USH1C: variants seen among roughly 807,000 people sequenced by gnomAD.
USH1C encodes the protein USH1 protein network component harmonin, also known as harmonin.
In USH1C, 90 loss-of-function variants were observed where a neutral mutation model predicts 119.3. The ratio of observed to expected loss-of-function variants is 0.75; its 90% CI spans 0.64 to 0.90. The LOEUF is 0.90. Among genes scored for constraint, USH1C ranks in the 40% least tolerant of loss-of-function variants. USH1C has a pLI of 0.00. For missense variants in USH1C, 1,165 were observed against 1,167.7 expected (o/e 1.00, Z 0.03); for synonymous variants, 465 against 443.3 (o/e 1.05, Z -0.62).
intron 18 of USH1C, among the ~76,000 whole-genome samples, chr11:17,506,257 A>G (rs954865207): frequency 2.0e-5 from 3 of 152,180 alleles, no homozygotes; most frequent in Non-Finnish European, 4.4e-5. Flanking sequence ...CCCTTCTCTC[A>G]GTGGCCATGG....
chr11:17,496,472 A>T (rs1044312158), intron 25 of USH1C, among the ~76,000 whole-genome samples: 1 of 152,200 alleles, frequency 6.6e-6, no homozygotes, highest in South Asian at 2.1e-4. Flanking sequence ...AACAATCCTG[A>T]GTCTTTTTCC....
At chr11:17,510,672 T>C (rs1160388719) in intron 16 of USH1C, 151 bp from the exon 17 acceptor site, 15 of 700,814 alleles carry the variant, frequency 2.1e-5, no homozygotes, top group Non-Finnish European at 3.6e-5. Context: ...TTGTTCCAAC[T>C]GGCCCTCAAG....
intron 15 of USH1C, among the ~76,000 whole-genome samples, chr11:17,513,179 T>C (rs1258318808): frequency 6.6e-6 from 1 of 152,112 alleles, no homozygotes; most frequent in Admixed American, 6.5e-5. Flanking sequence ...GGTGCCCTGA[T>C]GAGCTGGGGG....
rs781240730 is a variant in USH1C, at chr11:17,501,136, G to C, written c.2295C>G (p.Asp765Glu). 1.5e-5 allele frequency: 25 copies of C among 1,613,920 alleles called. 1 individual carries two copies. In the Admixed American group the frequency reaches 3.3e-4, roughly 22 times the overall value. ...LLRIKKEGSL[D>E]LALEGGVDSP... ...AGTCCACACCGCCTTCCAGGGCCAG[G>C]TCTAAGGATCCCTCCTGGTTAGAGG... Residue 765 changes from aspartate (D) to glutamate (E), a missense_variant, in exon 23 of 27, where the codon GAC becomes GAG. By Grantham distance (45) the Asp-to-Glu change is conservative (BLOSUM62 2). Coordinates refer to ENST00000005226, the MANE Select transcript of USH1C (RefSeq NM_153676.4).
In USH1C at chr11:17,495,727, C is replaced by G. The variant is rs781251654; in HGVS notation, c.2547-50G>C. The G allele has an allele frequency of 8.2e-6, 13 of 1,589,492 alleles. No individual in the cohort carries two copies. The Admixed American group carries it at 2.2e-4, about 27-fold the overall frequency. ...AACACAAAACAGGCTTGGTTACTCC[C>G]AGGCAGAGCTCCATGGGGCTTCTCC... On this transcript the variant is annotated intron_variant, in intron 25 of 26. Coordinates refer to ENST00000005226, the MANE Select transcript of USH1C (RefSeq NM_153676.4).
In USH1C at chr11:17,505,814, G is replaced by A; in HGVS notation, c.2133+16C>T. The A allele has an allele frequency of 1.2e-6, 2 of 1,613,928 alleles. No individual in the cohort carries two copies. Among genetic ancestry groups the A allele is most frequent in the African/African-American group, 2.7e-5 (2 of 75,044 alleles). The stretch of plus-strand genomic sequence containing the variant: ...GCTCCTCTAGAGACAACCTGGAGGG[G>A]ACCCAAGGGGCTTACCAGAACTTCA... On this transcript the variant is annotated intron_variant, in intron 19 of 26. Transcript: ENST00000005226.
intron 4 of USH1C, 25 bp from the exon 5 acceptor site, chr11:17,527,356 G>A (rs757146245): frequency 6.4e-7 from 1 of 1,568,440 alleles, no homozygotes; most frequent in East Asian, 2.2e-5. Context: ...GAGGCAGGGA[G>A]CACCAGGTGG....
chr11:17,521,038 A>G, intron 13 of USH1C, 44 bp from the exon 14 acceptor site: 1 of 1,612,698 alleles, frequency 6.2e-7, no homozygotes, highest in Non-Finnish European at 8.5e-7. Flanking sequence ...CAGAACCCCC[A>G]TAGGCCCATC....
intron 5 of USH1C, 84 bp from the exon 6 acceptor site, chr11:17,527,124 G>T (rs1361507972): frequency 8.3e-6 from 5 of 604,352 alleles, no homozygotes; most frequent in African/African-American, 6.8e-5. Flanking sequence ...CTGCTCCCCC[G>T]CCCTCCCTCC....
chr11:17,500,579 C>T (rs937682542), intron 23 of USH1C, among the ~76,000 whole-genome samples: 1 of 152,172 alleles, frequency 6.6e-6, no homozygotes, highest in African/African-American at 2.4e-5. Context: ...CGGGGGTTTC[C>T]ACGTGCTGCT....
chr11:17,515,257 A>G (rs1010371844), intron 15 of USH1C, among the ~76,000 whole-genome samples: 1 of 152,150 alleles, frequency 6.6e-6, no homozygotes, highest in East Asian at 1.9e-4. Context: ...TCCCAGAGGA[A>G]CTCTGTTCCA....
At chr11:17,494,783 C>G in intron 26 of USH1C, 1 of 307,122 alleles carries the variant, frequency 3.3e-6, no homozygotes, top group Non-Finnish European at 6.4e-6. Context: ...TGGGTCTGCC[C>G]CAGATGCTGC....
intron 1 of USH1C, among the ~76,000 whole-genome samples, chr11:17,534,151 TG>T (rs776273520): frequency 6.6e-5 from 10 of 152,184 alleles, no homozygotes; most frequent in African/African-American, 1.9e-4. Flanking sequence ...GGTGGAAGCT[TG>T]GGGGGTCACT....
At chr11:17,505,487 G>A (rs1162265452) in intron 19 of USH1C, among the ~76,000 whole-genome samples, 1 of 152,210 alleles carries the variant, frequency 6.6e-6, no homozygotes, top group Non-Finnish European at 1.5e-5. Flanking sequence ...TGTTAAACAG[G>A]ATGACCACAG....
At chr11:17,533,368 C>CCCT in intron 1 of USH1C, 46 bp from the exon 2 acceptor site, 2 of 1,380,368 alleles carry the variant, frequency 1.4e-6, no homozygotes, top group Non-Finnish European at 2.1e-6. Flanking sequence ...TCAGCACCCG[C>CCCT]CCCCATAGCA....
At chr11:17,498,833 A>G (rs141611404) in intron 23 of USH1C, among the ~76,000 whole-genome samples, 206 of 152,290 alleles carry the variant, frequency 1.4e-3, no homozygotes, top group African/African-American at 4.9e-3. Flanking sequence ...GTAATCATTA[A>G]TCTGTTTGTT....
intron 25 of USH1C, 29 bp from the exon 26 acceptor site, chr11:17,495,706 C>G (rs1190643823): frequency 1.9e-6 from 3 of 1,611,488 alleles, no homozygotes; most frequent in Non-Finnish European, 2.5e-6. Flanking sequence ...GCAAGAAACA[C>G]AAAACAGGCT....
At chr11:17,496,131 T>A (rs1490298590) in intron 25 of USH1C, among the ~76,000 whole-genome samples, 10 of 145,888 alleles carry the variant, frequency 6.9e-5, no homozygotes, top group Admixed American at 6.8e-4. Flanking sequence ...GGGACCGGGA[T>A]GAAGGGGAAG....
chr11:17,521,103 C>T lies in USH1C; in HGVS notation c.1086-109G>A, dbSNP rs1190402070. The T allele has an allele frequency of 4.8e-6, 7 of 1,450,862 alleles. No homozygotes were observed. In the African/African-American group the frequency reaches 7.0e-5, roughly 14 times the overall value. 89.9% of individuals were successfully genotyped at this position (1,450,862 alleles called of 1,614,324 possible). A position where few individuals can be genotyped will look rare whatever the true frequency, so the allele number is the denominator to read the frequency against. ...TGGGGAGAAGCCTCATGGTTCTAGT[C>T]ATGATGAATCAAGCAAAGTCCCCGA... On this transcript the variant is annotated intron_variant, in intron 13 of 26. Transcript: ENST00000005226.
Sources: allele counts gnomAD v4.1 joint callset (sites outside exome capture counted in the v4.1 genomes callset), GRCh38; gene constraint gnomAD v4.1.1; transcripts MANE v1.5; gene names NCBI Gene and HGNC (gene_info 2026-07-23, HGNC 2026-07-21).